TRAPPC10: variants seen among roughly 807,000 people sequenced by gnomAD.
The protein encoded by TRAPPC10 is TRAPP 130 kDa subunit.
In TRAPPC10, 23 loss-of-function variants were observed where a neutral mutation model predicts 125.5. The ratio of observed to expected loss-of-function variants is 0.18; its 90% CI spans 0.13 to 0.26. TRAPPC10 has a LOEUF of 0.26. Ranked by LOEUF, TRAPPC10 falls within the 10% of genes least tolerant of loss-of-function variation. TRAPPC10 has a pLI of 1.00. For synonymous variants in TRAPPC10, 509 were observed against 518.0 expected (o/e 0.98, Z 0.24); for missense variants, 1,123 against 1,308.4 (o/e 0.86, Z 2.19).
intron 17 of TRAPPC10, chr21:44,089,497 A>C (rs1425342242): frequency 2.1e-6 from 1 of 475,482 alleles, no homozygotes; most frequent in South Asian, 1.5e-5. Context: ...ACATTGCAAC[A>C]TGCATGGCTC....
At chr21:44,046,200 A>G in intron 3 of TRAPPC10, 1 of 185,936 alleles carries the variant, frequency 5.4e-6, no homozygotes, top group Non-Finnish European at 1.2e-5. Context: ...GGTTGGTTGG[A>G]AAGCTAATTA....
In TRAPPC10 at chr21:44,032,404, A is replaced by G. The variant is rs867974284; in HGVS notation, c.149+232A>G. Among the ~76,000 whole-genome samples the G allele has an allele frequency of 6.0e-4, 68 of 113,586 alleles. 2 individuals carry two copies. The Middle Eastern group carries it at 0.025, about 42-fold the overall frequency. 74.5% of individuals were successfully genotyped at this position (113,586 alleles called of 152,430 possible). On this transcript the variant is annotated intron_variant, in intron 2 of 22. Coordinates refer to ENST00000291574, the MANE Select transcript of TRAPPC10 (RefSeq NM_003274.5). ...CTTTTTTTTTTTTTTTTTTTTTGAG[A>G]CAGAGTCTCGTTCTGTCGCCCAGGC... is the stretch of plus-strand genomic sequence containing the variant.
intron 3 of TRAPPC10, among the ~76,000 whole-genome samples, chr21:44,041,663 C>T (rs771222539): frequency 1.8e-4 from 27 of 152,144 alleles, no homozygotes; most frequent in Non-Finnish European, 2.8e-4. Flanking sequence ...TGAGCCACCA[C>T]GCCCAGCTTT....
At chr21:44,022,647 T>TG (rs1391074365) in intron 1 of TRAPPC10, among the ~76,000 whole-genome samples, 3 of 152,022 alleles carry the variant, frequency 2.0e-5, no homozygotes, top group African/African-American at 7.2e-5. Context: ...TATTCAGTGT[T>TG]TAAGTTTCCA....
chr21:44,026,500 G>GAGAAT (rs1228483521), intron 1 of TRAPPC10, among the ~76,000 whole-genome samples: 24 of 152,252 alleles, frequency 1.6e-4, no homozygotes, highest in Admixed American at 6.5e-5. Context: ...ATGAATGTAT[G>GAGAAT]GCCTATGGGC....
intron 18 of TRAPPC10, among the ~76,000 whole-genome samples, chr21:44,091,222 A>G (rs955042622): frequency 9.2e-5 from 14 of 152,146 alleles, no homozygotes; most frequent in Non-Finnish European, 1.8e-4. Flanking sequence ...AATATTTTCA[A>G]AGTTTTGCAT....
At chr21:44,095,983 T>C (rs1569229944) in intron 20 of TRAPPC10, among the ~76,000 whole-genome samples, 1 of 120,948 alleles carries the variant, frequency 8.3e-6, no homozygotes, top group East Asian at 2.4e-4. Flanking sequence ...CTGCCAACTT[T>C]TTCCAGAGGG....
At chr21:44,084,450 C>T (rs1470259607) in intron 15 of TRAPPC10, among the ~76,000 whole-genome samples, 187 bp downstream of exon 15, 1 of 152,128 alleles carries the variant, frequency 6.6e-6, no homozygotes, top group East Asian at 1.9e-4. Flanking sequence ...TGTTTGCTTT[C>T]CTGTAATTGC....
chr21:44,092,456 C>T (rs2146210830), intron 19 of TRAPPC10, among the ~76,000 whole-genome samples: 1 of 152,324 alleles, frequency 6.6e-6, no homozygotes, highest in East Asian at 1.9e-4. Flanking sequence ...GCATCTGGAC[C>T]TTGCTTTTTC....
intron 3 of TRAPPC10, among the ~76,000 whole-genome samples, chr21:44,050,205 G>A (rs1452295184): frequency 6.6e-6 from 1 of 151,880 alleles, no homozygotes; most frequent in Admixed American, 6.6e-5. Context: ...TGAGTGATAG[G>A]CTGGATCTTG....
At chr21:44,056,860 T>C (rs2035632162) in intron 5 of TRAPPC10, among the ~76,000 whole-genome samples, 1 of 152,174 alleles carries the variant, frequency 6.6e-6, no homozygotes, top group Non-Finnish European at 1.5e-5. Flanking sequence ...ATACTTAGGT[T>C]AATTTTCTGG....
At chr21:44,089,095 A>T (rs1478637519) in intron 17 of TRAPPC10, 3 of 231,788 alleles carry the variant, frequency 1.3e-5, no homozygotes, top group South Asian at 3.7e-5. Flanking sequence ...CGCTGGTGGC[A>T]CCTGTGCTAT....
At chr21:44,057,020 GA>G (rs1314923408) in intron 5 of TRAPPC10, among the ~76,000 whole-genome samples, 1 of 152,034 alleles carries the variant, frequency 6.6e-6, no homozygotes, top group Non-Finnish European at 1.5e-5. Context: ...AGGAAATTCT[GA>G]CACACACTAC....
In TRAPPC10 at chr21:44,063,208, T is replaced by C; in HGVS notation, c.791-330T>C. 7.9e-7 allele frequency: 1 copy of C among 1,273,594 alleles called. No individual in the cohort carries two copies. Among genetic ancestry groups the C allele is most frequent in the Non-Finnish European group, 1.0e-6 (1 of 988,722 alleles). 78.9% of individuals were successfully genotyped at this position (1,273,594 alleles called of 1,614,324 possible). A position where few individuals can be genotyped will look rare whatever the true frequency, so the allele number is the denominator to read the frequency against. On this transcript the variant is annotated intron_variant, in intron 6 of 22. Coordinates refer to ENST00000291574, the MANE Select transcript of TRAPPC10 (RefSeq NM_003274.5). This position sits in a 1 kb window ranked among gnomAD's most constrained non-coding sequence, Gnocchi z 4.4. ...GCCCAGCCCCGCTGCAGCCTAAGAC[T>C]AGAGCCCTCCCTCGGCCTGAGACAG...
At position 44,080,123 on chromosome 21, in the gene TRAPPC10, C is replaced by T. The variant is rs199744516; in HGVS notation, c.1719C>T (p.Ser573=). Residue 573 remains serine, a synonymous_variant, in exon 13 of 23, where the codon AGC becomes AGT. Coordinates refer to ENST00000291574, the MANE Select transcript of TRAPPC10 (RefSeq NM_003274.5). ...ACTTTGCCAGCCAGCCGTCAGACAG[C>T]CCAGGTAAGACCAGTTCTTACAACT... The part of the protein sequence containing the change: ...ILDFASQPSD[S]PGHKIVLPMH... 12 of 1,613,320 alleles carry T rather than the reference C, an allele frequency of 7.4e-6. No individual in the cohort carries two copies. The South Asian group carries it at 9.9e-5, about 13-fold the overall frequency.
intron 5 of TRAPPC10, among the ~76,000 whole-genome samples, chr21:44,056,842 A>G (rs867695186): frequency 1.4e-4 from 21 of 152,192 alleles, no homozygotes; most frequent in African/African-American, 4.3e-4. Flanking sequence ...TATTTAGTTA[A>G]TAGTATTATA....
At chr21:44,024,180 C>T (rs934583019) in intron 1 of TRAPPC10, among the ~76,000 whole-genome samples, 1 of 152,212 alleles carries the variant, frequency 6.6e-6, no homozygotes, top group Admixed American at 6.5e-5. Context: ...TTTTAATTAA[C>T]AGCTCCATCC....
In TRAPPC10 at chr21:44,063,137, A is replaced by G. The variant is rs972881665; in HGVS notation, c.791-401A>G. On this transcript the variant is annotated intron_variant, in intron 6 of 22. Transcript: ENST00000291574. This position sits in a 1 kb window ranked among gnomAD's most constrained non-coding sequence, Gnocchi z 4.4. ...CTAAGGAAGACCAAAAAACACCAGG[A>G]TGGTCAGAGCAGGCTGCACTCCAGC... The G allele has an allele frequency of 7.7e-7, 1 of 1,307,146 alleles. No individual in the cohort carries two copies. The highest frequency in any genetic ancestry group is 1.0e-6 in the Non-Finnish European group (1 of 992,302). 81.0% of individuals were successfully genotyped at this position (1,307,146 alleles called of 1,614,324 possible).
intron 4 of TRAPPC10, among the ~76,000 whole-genome samples, chr21:44,055,010 C>T (rs1449032233): frequency 6.6e-6 from 1 of 152,176 alleles, no homozygotes; most frequent in Non-Finnish European, 1.5e-5. Context: ...TCCTTTTGTG[C>T]TGTGCTGAGA....
Sources: allele counts gnomAD v4.1 joint callset (sites outside exome capture counted in the v4.1 genomes callset), GRCh38; gene constraint gnomAD v4.1.1; non-coding constraint Gnocchi (gnomAD v3.1); transcripts MANE v1.5; gene names NCBI Gene and HGNC (gene_info 2026-07-23, HGNC 2026-07-21).